NAALADL2: variants seen among roughly 807,000 people sequenced by gnomAD.
NAALADL2 encodes N-acetylated alpha-linked acidic dipeptidase like 2.
NAALADL2 carries 76 observed loss-of-function variants against 87.2 expected under a neutral mutation model. The observed-to-expected ratio is 0.87, with a 90% confidence interval of 0.72 to 1.05. The LOEUF (loss-of-function observed/expected upper bound fraction) is 1.05, where lower values mean the gene tolerates loss of function less well. Ranked by LOEUF, NAALADL2 falls within the 50% of genes least tolerant of loss-of-function variation. The pLI is 0.00. For missense variants in NAALADL2, 1,089 were observed against 945.8 expected (o/e 1.15, Z -1.99); for synonymous variants, 354 against 331.0 (o/e 1.07, Z -0.75).
At chr3:175,556,505 A>C (rs927765751) in intron 9 of NAALADL2, among the ~76,000 whole-genome samples, 7 of 152,194 alleles carry the variant, frequency 4.6e-5, no homozygotes, top group Non-Finnish European at 8.8e-5. Context: ...AATAGTTTAT[A>C]AAATAGTAAA....
rs796147289 is a variant in NAALADL2 at position 174,469,424 on chromosome 3, A to AT, written c.-184+28405dup. 2.4e-3 allele frequency among the ~76,000 whole-genome samples: 340 copies of AT among 139,288 alleles called. No homozygotes were observed. In the East Asian group the frequency reaches 0.025, roughly 10 times the overall value. The allele number at this position is 139,288 out of a possible 152,430, so 91.4% of individuals were successfully genotyped here. On this transcript the variant is annotated intron_variant, in intron 1 of 3. Transcript: ENST00000434257. ...AGGCGTGTGCCACCACGGCTGGCTAATTTTTTTTTTTTTCTTTTTTTTGAG... is the reference window on the plus strand; with the variant it reads ...AGGCGTGTGCCACCACGGCTGGCTAATTTTTTTTTTTTTTCTTTTTTTTGAG...
At chr3:175,595,110 T>C (rs532803302) in intron 10 of NAALADL2, among the ~76,000 whole-genome samples, 33 of 152,252 alleles carry the variant, frequency 2.2e-4, no homozygotes, top group African/African-American at 7.7e-4. Flanking sequence ...TGTTTTTGCC[T>C]AGGATTTTTA....
chr3:174,766,058 AT>A (rs1312899351), intron 3 of NAALADL2, among the ~76,000 whole-genome samples: 2 of 152,144 alleles, frequency 1.3e-5, no homozygotes, highest in Non-Finnish European at 2.9e-5. Context: ...TTTGTTCACA[AT>A]TTTCTAGATG....
At chr3:174,823,173 A>G (rs532912131) in intron 3 of NAALADL2, among the ~76,000 whole-genome samples, 25 of 152,060 alleles carry the variant, frequency 1.6e-4, no homozygotes, top group African/African-American at 5.1e-4. Context: ...CTTTGTCCCA[A>G]GTGTTTGGAG....
At chr3:175,601,241 A>G (rs1201768399) in intron 10 of NAALADL2, among the ~76,000 whole-genome samples, 1 of 152,176 alleles carries the variant, frequency 6.6e-6, no homozygotes, top group Non-Finnish European at 1.5e-5. Context: ...AATGTTTTAA[A>G]CTAATTAAAA....
At chr3:175,296,412 T>A (rs1027205396) in intron 4 of NAALADL2, among the ~76,000 whole-genome samples, 4 of 152,168 alleles carry the variant, frequency 2.6e-5, no homozygotes, top group Non-Finnish European at 5.9e-5. Flanking sequence ...ACCATAGACT[T>A]GCCACGCTGG....
At chr3:175,702,044 ATATT>A (rs1419868584) in intron 11 of NAALADL2, among the ~76,000 whole-genome samples, 1 of 152,154 alleles carries the variant, frequency 6.6e-6, no homozygotes. Context: ...TTCAACTCCA[ATATT>A]TATTTACTTT....
intron 13 of NAALADL2, among the ~76,000 whole-genome samples, chr3:175,792,784 GTCA>G (rs1752955663): frequency 6.6e-6 from 1 of 152,178 alleles, no homozygotes; most frequent in Non-Finnish European, 1.5e-5. Context: ...TTGCAATCAC[GTCA>G]TCAAGGAATA....
intron 11 of NAALADL2, among the ~76,000 whole-genome samples, chr3:175,673,033 A>T (rs1416105825): frequency 1.3e-5 from 2 of 152,158 alleles, no homozygotes; most frequent in African/African-American, 4.8e-5. Context: ...TTATTAGAAT[A>T]GATGTAATCT....
At chr3:174,945,092 A>G (rs2108487354) in intron 1 of NAALADL2, among the ~76,000 whole-genome samples, 1 of 152,294 alleles carries the variant, frequency 6.6e-6, no homozygotes, top group East Asian at 1.9e-4. Context: ...CAAAGCAATA[A>G]TCTGAAAAGA....
chr3:174,873,147 A>G (rs3849520), intron 1 of NAALADL2, among the ~76,000 whole-genome samples: 9,270 of 152,154 alleles, frequency 0.061, 956 homozygotes, highest in African/African-American at 0.21. Context: ...GCATTAATCT[A>G]TTTAACTTAG....
At chr3:175,243,531 C>CT (rs3066298) in intron 3 of NAALADL2, among the ~76,000 whole-genome samples, 1,237 of 85,522 alleles carry the variant, frequency 0.014, 115 homozygotes, top group African/African-American at 0.03. Flanking sequence ...CACATCAGGA[C>CT]TTTTTTTTTT....
At chr3:175,168,015 T>C (rs1734234013) in intron 2 of NAALADL2, among the ~76,000 whole-genome samples, 1 of 151,596 alleles carries the variant, frequency 6.6e-6, no homozygotes, top group South Asian at 2.1e-4. Flanking sequence ...ACTATGGTAG[T>C]GAAAATAATT....
intron 2 of NAALADL2, among the ~76,000 whole-genome samples, chr3:174,582,179 G>T (rs541457637): frequency 6.6e-6 from 1 of 152,288 alleles, no homozygotes; most frequent in East Asian, 1.9e-4. Flanking sequence ...GTTGCCACTT[G>T]TGATCTTCAA....
chr3:175,268,022 T>C (rs550422071), intron 4 of NAALADL2, among the ~76,000 whole-genome samples: 22 of 152,182 alleles, frequency 1.4e-4, no homozygotes, highest in Non-Finnish European at 3.1e-4. Flanking sequence ...CTACTTTCAC[T>C]GAAGGTGTTT....
At chr3:175,434,828 T>C (rs1718355127) in intron 5 of NAALADL2, among the ~76,000 whole-genome samples, 3 of 152,056 alleles carry the variant, frequency 2.0e-5, no homozygotes, top group African/African-American at 4.8e-5. Context: ...AATGTGCAGA[T>C]GGCCAATTAT....
chr3:175,204,790 T>C (rs1380872504), intron 2 of NAALADL2, among the ~76,000 whole-genome samples: 1 of 152,108 alleles, frequency 6.6e-6, no homozygotes, highest in East Asian at 1.9e-4. Flanking sequence ...ACCTCTTTTA[T>C]ACACCAACAG....
chr3:175,006,515 C>T (rs977961332), intron 1 of NAALADL2, among the ~76,000 whole-genome samples: 4 of 152,078 alleles, frequency 2.6e-5, no homozygotes, highest in Non-Finnish European at 5.9e-5. Flanking sequence ...TACTCCAGAA[C>T]CTTTTCAAGC....
rs906108918 is a variant in NAALADL2, at chr3:175,252,236, A to AT, written c.820-4168dup. 4.6e-5 allele frequency among the ~76,000 whole-genome samples: 7 copies of AT among 151,812 alleles called. No individual in the cohort carries two copies. The East Asian group carries it at 7.7e-4, about 17-fold the overall frequency. On this transcript the variant is annotated intron_variant, in intron 3 of 13. Coordinates refer to ENST00000454872, the MANE Select transcript of NAALADL2 (RefSeq NM_207015.3). ...TGCATTTAGCAAGTCTGTTGGTACC[A>AT]TTTTTTTCAGCACCTGTGCTCAGCT... is the stretch of plus-strand genomic sequence containing the variant.
Sources: gnomAD v4.1 joint callset for allele counts (sites outside exome capture counted in the v4.1 genomes callset) on GRCh38, gnomAD v4.1.1 for gene constraint, MANE v1.5 for transcripts, NCBI Gene and HGNC (gene_info 2026-07-23, HGNC 2026-07-21) for gene names.